Variants in RTN1 observed in about 807,000 individuals in gnomAD.
RTN1 encodes reticulon 1.
Under a neutral mutation model 65.5 loss-of-function variants are expected in RTN1, and 25 were observed. The observed-to-expected ratio is 0.38, with a 90% CI of 0.28 to 0.53. The LOEUF (loss-of-function observed/expected upper bound fraction) is 0.53. Among genes scored for constraint, RTN1 ranks in the 20% least tolerant of loss-of-function variants. RTN1 has a pLI of 0.79. For synonymous variants in RTN1, 471 were observed against 447.6 expected (o/e 1.05, Z -0.66); for missense variants, 983 against 1,025.4 (o/e 0.96, Z 0.57).
At chr14:59,768,459 G>A (rs1351049402) in intron 1 of RTN1, among the ~76,000 whole-genome samples, 1 of 152,180 alleles carries the variant, frequency 6.6e-6, no homozygotes, top group African/African-American at 2.4e-5. Flanking sequence ...GCAACTGGAG[G>A]TAACTGGGGT....
chr14:59,819,408 ACCACCACCC>A (rs1566737415), intron 1 of RTN1, among the ~76,000 whole-genome samples: 2 of 18,758 alleles, frequency 1.1e-4, no homozygotes, highest in African/African-American at 6.2e-4. Context: ...CATCCACACC[ACCACCACCC>A]CCCCCCCACC....
chr14:59,663,783 T>C (rs1469774762), intron 3 of RTN1, among the ~76,000 whole-genome samples: 1 of 152,106 alleles, frequency 6.6e-6, no homozygotes, highest in Non-Finnish European at 1.5e-5. Flanking sequence ...TGAGATACCA[T>C]CTCATGCCAG....
chr14:59,764,900 G>A lies in RTN1; in HGVS notation c.242-18419C>T, dbSNP rs1416476643. 2.0e-5 allele frequency among the ~76,000 whole-genome samples: 3 copies of A among 152,086 alleles called. 1 individual carries two copies. The highest frequency in any genetic ancestry group is 4.4e-5 in the Non-Finnish European group (3 of 68,020). On this transcript the variant is annotated intron_variant, in intron 1 of 8. Coordinates refer to ENST00000267484, the MANE Select transcript of RTN1 (RefSeq NM_021136.3). ...ACAGTCAGTATTCCATGAAACGAATGTTCTACAATTCATTTAAGCATTCCT... is the reference window on the plus strand; with the variant it reads ...ACAGTCAGTATTCCATGAAACGAATATTCTACAATTCATTTAAGCATTCCT...
At chr14:59,610,993 C>G (rs1434129672) in intron 3 of RTN1, among the ~76,000 whole-genome samples, 1 of 152,204 alleles carries the variant, frequency 6.6e-6, no homozygotes, top group Non-Finnish European at 1.5e-5. Context: ...ATCAGCACTC[C>G]TGGTTCACTG....
At chr14:59,749,428 CTATATATA>C (rs1222570071) in intron 1 of RTN1, among the ~76,000 whole-genome samples, 1 of 88,786 alleles carries the variant, frequency 1.1e-5, no homozygotes, top group Admixed American at 1.7e-4. Flanking sequence ...ATCTATATAT[CTATATATA>C]TCTATATCTA....
chr14:59,777,840 C>T (rs1288492767), intron 1 of RTN1, among the ~76,000 whole-genome samples: 3 of 121,880 alleles, frequency 2.5e-5, no homozygotes, highest in African/African-American at 7.0e-5. Flanking sequence ...AAAAACAAAA[C>T]AACAAAACAC....
chr14:59,660,144 G>C (rs1001564705), intron 3 of RTN1, among the ~76,000 whole-genome samples: 4 of 152,106 alleles, frequency 2.6e-5, no homozygotes, highest in African/African-American at 9.7e-5. Flanking sequence ...AGACAAAGAA[G>C]GCCATTACAT....
intron 3 of RTN1, among the ~76,000 whole-genome samples, chr14:59,719,629 T>A (rs1025702071): frequency 6.6e-6 from 1 of 152,182 alleles, no homozygotes; most frequent in Non-Finnish European, 1.5e-5. Flanking sequence ...TTGAGTGAAA[T>A]TTATGTATTG....
At chr14:59,796,100 T>C (rs1243916077) in intron 1 of RTN1, among the ~76,000 whole-genome samples, 2 of 152,188 alleles carry the variant, frequency 1.3e-5, no homozygotes, top group African/African-American at 4.8e-5. Flanking sequence ...TATACAGCAG[T>C]GGTCCCATAA....
Position 59,619,135 on chromosome 14 carries a change from T to C in RTN1, c.1766-11643A>G, listed in dbSNP as rs180802553. Among the ~76,000 whole-genome samples the C allele has an allele frequency of 4.6e-5, 7 of 152,294 alleles. No individual in the cohort carries two copies. In the South Asian group the frequency reaches 8.3e-4, roughly 18 times the overall value. On this transcript the variant is annotated intron_variant, in intron 3 of 8. Coordinates refer to ENST00000267484, the MANE Select transcript of RTN1 (RefSeq NM_021136.3). ...GGATAAAAGGAAATATTACAAAGGATTAGTTGACAAGAATGGTGACTAACT... is the reference window on the plus strand; with the variant it reads ...GGATAAAAGGAAATATTACAAAGGACTAGTTGACAAGAATGGTGACTAACT...
At chr14:59,756,843 T>TTTG (rs895559200) in intron 1 of RTN1, among the ~76,000 whole-genome samples, 2 of 136,288 alleles carry the variant, frequency 1.5e-5, no homozygotes, top group African/African-American at 6.4e-5. Context: ...TTTTTTTTGT[T>TTTG]TTTTTTTTTT....
chr14:59,781,725 T>A (rs1886159220), intron 1 of RTN1, among the ~76,000 whole-genome samples: 1 of 152,198 alleles, frequency 6.6e-6, no homozygotes, highest in Non-Finnish European at 1.5e-5. Context: ...CTAAAGTAAC[T>A]ACAACTTAAA....
chr14:59,842,964 C>T (rs970686811), intron 1 of RTN1, among the ~76,000 whole-genome samples: 5 of 152,160 alleles, frequency 3.3e-5, no homozygotes, highest in African/African-American at 1.2e-4. Flanking sequence ...TACCCTATAA[C>T]CTCCAAGGTA....
intron 2 of RTN1, among the ~76,000 whole-genome samples, chr14:59,733,016 C>T (rs1017519828): frequency 6.6e-6 from 1 of 151,794 alleles, no homozygotes; most frequent in African/African-American, 2.4e-5. Context: ...CCAAATGGTC[C>T]AGTGAAGGAA....
At chr14:59,655,067 G>A (rs1271358864) in intron 3 of RTN1, among the ~76,000 whole-genome samples, 1 of 152,144 alleles carries the variant, frequency 6.6e-6, no homozygotes, top group Non-Finnish European at 1.5e-5. Flanking sequence ...AAACTTCTAA[G>A]GAATCCACAC....
intron 1 of RTN1, among the ~76,000 whole-genome samples, chr14:59,818,547 C>A (rs1357557939): frequency 1.3e-5 from 2 of 152,114 alleles, no homozygotes; most frequent in East Asian, 1.9e-4. Context: ...TTTATTCAAT[C>A]GAATATTTAA....
At chr14:59,635,506 A>C (rs1377812517) in intron 3 of RTN1, among the ~76,000 whole-genome samples, 1 of 152,214 alleles carries the variant, frequency 6.6e-6, no homozygotes, top group Non-Finnish European at 1.5e-5. Flanking sequence ...TTAAAACAGG[A>C]GACAAAAACA....
chr14:59,612,132 C>T (rs889213959), intron 3 of RTN1, among the ~76,000 whole-genome samples: 3 of 152,172 alleles, frequency 2.0e-5, no homozygotes, highest in African/African-American at 7.2e-5. Context: ...TGACTAATGT[C>T]TGTTTTGTTA....
chr14:59,750,909 G>T (rs1172101818), intron 1 of RTN1, among the ~76,000 whole-genome samples: 1 of 149,502 alleles, frequency 6.7e-6, no homozygotes, highest in Admixed American at 6.8e-5. Context: ...ATAGAGATGT[G>T]GTCTCACTAT....
Sources: gnomAD v4.1 joint callset for allele counts (sites outside exome capture counted in the v4.1 genomes callset) on GRCh38, gnomAD v4.1.1 for gene constraint, MANE v1.5 for transcripts, NCBI Gene and HGNC (gene_info 2026-07-23, HGNC 2026-07-21) for gene names.